Variants in ASIC2 observed in about 807,000 individuals in gnomAD.
ASIC2 encodes the protein acid-sensing ion channel 2.
Under a neutral mutation model 57.3 loss-of-function variants are expected in ASIC2, and 25 were observed. The observed-to-expected ratio is 0.44, with a 90% CI of 0.32 to 0.61. The LOEUF is 0.61. Among genes scored for constraint, ASIC2 ranks in the 20% least tolerant of loss-of-function variants. The pLI, the probability that ASIC2 is intolerant of heterozygous loss-of-function variation, is 0.06. For synonymous variants in ASIC2, 319 were observed against 307.5 expected (o/e 1.04, Z -0.39); for missense variants, 641 against 738.1 (o/e 0.87, Z 1.52).
chr17:33,424,968 A>G (rs902152514), intron 1 of ASIC2, among the ~76,000 whole-genome samples: 1 of 152,188 alleles, frequency 6.6e-6, no homozygotes, highest in Admixed American at 6.5e-5. Context: ...TTTTTCACTA[A>G]ATGAGGAATA....
chr17:33,797,030 C>T (rs762927511), intron 1 of ASIC2, among the ~76,000 whole-genome samples: 7 of 152,142 alleles, frequency 4.6e-5, no homozygotes, highest in Non-Finnish European at 8.8e-5. Flanking sequence ...ATGTTCAGTG[C>T]ATGTTATGGG....
At chr17:34,130,045 C>T (rs760863713) in intron 1 of ASIC2, among the ~76,000 whole-genome samples, 1 of 152,208 alleles carries the variant, frequency 6.6e-6, no homozygotes, top group Non-Finnish European at 1.5e-5. Context: ...AAACTTGCAC[C>T]TTGCCATTTA....
chr17:33,350,535 C>G (rs1908122259), intron 1 of ASIC2, among the ~76,000 whole-genome samples: 1 of 152,034 alleles, frequency 6.6e-6, no homozygotes, highest in African/African-American at 2.4e-5. Flanking sequence ...CAAAAATTAG[C>G]TGGGCGTCGT....
chr17:33,675,562 T>G (rs1380999814), intron 1 of ASIC2, among the ~76,000 whole-genome samples: 2 of 146,738 alleles, frequency 1.4e-5, no homozygotes, highest in East Asian at 3.9e-4. Context: ...GTACATCTCA[T>G]TTTATTCTTT....
intron 1 of ASIC2, among the ~76,000 whole-genome samples, chr17:33,231,716 A>G (rs1908098412): frequency 6.6e-6 from 1 of 152,030 alleles, no homozygotes; most frequent in Non-Finnish European, 1.5e-5. Flanking sequence ...TCAGGCCTAG[A>G]GAAATAGGCC....
rs533834982 is a variant in ASIC2, at chr17:33,304,128, C to T, written c.556-192061G>A. Among the ~76,000 whole-genome samples the T allele has an allele frequency of 7.2e-5, 11 of 152,210 alleles. No individual in the cohort carries two copies. The South Asian group carries it at 2.3e-3, about 32-fold the overall frequency. ...ATGGCCAGGCAAATGATGGTGATAC[C>T]ACGTCATCTGGAAATTATGACACTT... On this transcript the variant is annotated intron_variant, in intron 1 of 9. Coordinates refer to the ASIC2 transcript ENST00000359872.
chr17:33,105,315 G>A lies in ASIC2; in HGVS notation c.859+6602C>T, dbSNP rs1476207392. On this transcript the variant is annotated intron_variant, in intron 2 of 9. Coordinates refer to ENST00000225823, the MANE Select transcript of ASIC2 (RefSeq NM_183377.2). The stretch of plus-strand genomic sequence containing the variant: ...GTGAATAAGTCTCATGAGATCTGAC[G>A]GTTTCATGAAGGGGAGTTCCCCTGC... Among the ~76,000 whole-genome samples, 5 of 152,276 alleles carry A rather than the reference G, an allele frequency of 3.3e-5. No homozygotes were observed. The East Asian group carries it at 9.6e-4, about 29-fold the overall frequency.
chr17:33,098,719 T>G (rs1252399083), intron 2 of ASIC2, among the ~76,000 whole-genome samples: 1 of 152,196 alleles, frequency 6.6e-6, no homozygotes, highest in Non-Finnish European at 1.5e-5. Context: ...TATACTTTGT[T>G]GATCCGAGTG....
At position 33,622,059 on chromosome 17, in the gene ASIC2, C is replaced by A. The variant is rs148049135; in HGVS notation, c.556-509992G>T. On this transcript the variant is annotated intron_variant, in intron 1 of 9. Coordinates refer to the ASIC2 transcript ENST00000359872. ...ATCATTGCCATAAGTCTTATTGTTT[C>A]TGAAGCATTTCTCTCCCTTTCTTCC... 2.0e-5 allele frequency among the ~76,000 whole-genome samples: 3 copies of A among 152,060 alleles called. No individual in the cohort carries two copies. The East Asian group carries it at 5.8e-4, about 30-fold the overall frequency.
At chr17:33,020,650 G>T (rs1001227003) in intron 7 of ASIC2, among the ~76,000 whole-genome samples, 1 of 152,190 alleles carries the variant, frequency 6.6e-6, no homozygotes, top group African/African-American at 2.4e-5. Flanking sequence ...CTTTTGTGGG[G>T]TGGCAGCAGG....
chr17:33,754,540 A>C (rs1910532014), intron 1 of ASIC2, among the ~76,000 whole-genome samples: 1 of 152,142 alleles, frequency 6.6e-6, no homozygotes, highest in East Asian at 1.9e-4. Flanking sequence ...TGAAAGGTGA[A>C]GACTACATCT....
chr17:34,076,628 T>G (rs1030524685), intron 1 of ASIC2, among the ~76,000 whole-genome samples: 1 of 152,180 alleles, frequency 6.6e-6, no homozygotes, highest in African/African-American at 2.4e-5. Flanking sequence ...AGGGCTCTCA[T>G]TGTTCATAAT....
intron 1 of ASIC2, among the ~76,000 whole-genome samples, chr17:33,278,495 A>AC (rs902679028): frequency 2.6e-5 from 4 of 152,018 alleles, no homozygotes; most frequent in African/African-American, 9.7e-5. Context: ...ATCAGAAAAA[A>AC]AAAAAAAATT....
upstream of ASIC2, among the ~76,000 whole-genome samples, chr17:33,294,642 A>G (rs1463085312): frequency 6.6e-6 from 1 of 152,024 alleles, no homozygotes; most frequent in Non-Finnish European, 1.5e-5. Flanking sequence ...CACTACACAT[A>G]CAACACACAT....
chr17:33,759,483 G>A (rs1910715216), intron 1 of ASIC2, among the ~76,000 whole-genome samples: 1 of 152,202 alleles, frequency 6.6e-6, no homozygotes, highest in Non-Finnish European at 1.5e-5. Context: ...GATGCAGCCT[G>A]TTGACCTTTT....
At chr17:33,528,469 C>T (rs1914954741) in intron 1 of ASIC2, among the ~76,000 whole-genome samples, 1 of 152,108 alleles carries the variant, frequency 6.6e-6, no homozygotes. Context: ...AAATTTTCGA[C>T]ATAATTTCCC....
At chr17:33,405,534 A>G (rs1359215944) in intron 1 of ASIC2, among the ~76,000 whole-genome samples, 1 of 144,422 alleles carries the variant, frequency 6.9e-6, no homozygotes, top group Non-Finnish European at 1.5e-5. Context: ...CCCAGGCTGC[A>G]GAGCAGTGGC....
chr17:34,148,437 G>A (rs772237157), intron 1 of ASIC2, among the ~76,000 whole-genome samples: 16 of 152,140 alleles, frequency 1.1e-4, no homozygotes, highest in Non-Finnish European at 1.8e-4. Flanking sequence ...CTTGACAAAG[G>A]TTGCCCCCAT....
intron 1 of ASIC2, among the ~76,000 whole-genome samples, chr17:34,040,458 G>C (rs1360868895): frequency 6.9e-6 from 1 of 144,222 alleles, no homozygotes; most frequent in Non-Finnish European, 1.5e-5. Context: ...GAGGGGACGA[G>C]GAAGGTGGGG....
Sources: gnomAD v4.1 joint callset for allele counts (sites outside exome capture counted in the v4.1 genomes callset) on GRCh38, gnomAD v4.1.1 for gene constraint, MANE v1.5 for transcripts, NCBI Gene and HGNC (gene_info 2026-07-23, HGNC 2026-07-21) for gene names.